Variants in MAGI1 observed in about 807,000 individuals in gnomAD.
The protein encoded by MAGI1 is membrane-associated guanylate kinase, WW and PDZ domain-containing protein 1.
In MAGI1, 58 loss-of-function variants were observed where a neutral mutation model predicts 139.9. The ratio of observed to expected loss-of-function variants is 0.41; its 90% CI spans 0.34 to 0.52. The LOEUF (loss-of-function observed/expected upper bound fraction) is 0.52, where lower values mean the gene tolerates loss of function less well. Among genes scored for constraint, MAGI1 ranks in the 20% least tolerant of loss-of-function variants. MAGI1 has a pLI of 0.12. For missense variants in MAGI1, 1,874 were observed against 1,901.6 expected, an observed-to-expected ratio of 0.99 and a Z score of 0.27; for synonymous variants, 812 against 737.9, an observed-to-expected ratio of 1.10 and a Z score of -1.63.
intron 1 of MAGI1, among the ~76,000 whole-genome samples, chr3:65,932,536 C>T (rs1054054390): frequency 1.3e-5 from 2 of 152,130 alleles, no homozygotes; most frequent in Non-Finnish European, 2.9e-5. Context: ...AAAAAAGCTC[C>T]GGGCAGCCCT....
intron 2 of MAGI1, among the ~76,000 whole-genome samples, chr3:65,566,120 G>T (rs531672540): frequency 6.6e-6 from 1 of 151,726 alleles, no homozygotes; most frequent in East Asian, 2.0e-4. Context: ...TGGGCATGGT[G>T]GCAGGCACCT....
chr3:65,960,152 T>C (rs192180073), intron 1 of MAGI1, among the ~76,000 whole-genome samples: 377 of 152,204 alleles, frequency 2.5e-3, no homozygotes, highest in African/African-American at 8.5e-3. Flanking sequence ...CAAGTATCTT[T>C]CTGTTCTTGT....
intron 18 of MAGI1, among the ~76,000 whole-genome samples, chr3:65,365,797 C>T (rs1186189638): frequency 3.3e-5 from 5 of 152,150 alleles, no homozygotes; most frequent in African/African-American, 4.8e-5. Flanking sequence ...TAGGCACTTT[C>T]GTGTTTACTG....
intron 1 of MAGI1, among the ~76,000 whole-genome samples, chr3:65,690,771 G>GCCTC (rs1559790310): frequency 6.6e-6 from 1 of 150,934 alleles, no homozygotes; most frequent in African/African-American, 2.4e-5. Context: ...TGGGATTACA[G>GCCTC]GCATGAGCCA....
chr3:65,897,625 A>C (rs1258770541), intron 1 of MAGI1, among the ~76,000 whole-genome samples: 1 of 152,100 alleles, frequency 6.6e-6, no homozygotes. Flanking sequence ...CATGTTGTGC[A>C]CATGTACCCT....
At chr3:65,714,804 AC>A (rs2032009845) in intron 1 of MAGI1, among the ~76,000 whole-genome samples, 2 of 151,544 alleles carry the variant, frequency 1.3e-5, no homozygotes, top group South Asian at 2.1e-4. Flanking sequence ...ACACACACAC[AC>A]CCCCCACAAC....
chr3:65,886,032 C>T (rs1023761800), intron 1 of MAGI1, among the ~76,000 whole-genome samples: 7 of 152,152 alleles, frequency 4.6e-5, no homozygotes, highest in African/African-American at 1.4e-4. Flanking sequence ...TATTATCTAA[C>T]TATGCAAACA....
At chr3:65,524,231 T>C (rs867996738) in intron 2 of MAGI1, among the ~76,000 whole-genome samples, 2 of 152,204 alleles carry the variant, frequency 1.3e-5, no homozygotes, top group Admixed American at 6.5e-5. Context: ...CAGGCAATAC[T>C]ACCCAGTGGA....
intron 1 of MAGI1, among the ~76,000 whole-genome samples, chr3:65,659,856 C>T (rs750209917): frequency 2.6e-5 from 4 of 152,128 alleles, no homozygotes; most frequent in Non-Finnish European, 5.9e-5. Context: ...CTGGGTTCTA[C>T]ATTTCTCAAC....
intron 12 of MAGI1, among the ~76,000 whole-genome samples, chr3:65,410,943 T>C (rs1448977501): frequency 6.6e-6 from 1 of 152,166 alleles, no homozygotes; most frequent in African/African-American, 2.4e-5. Context: ...AATAACAAAA[T>C]TTCTTTTTTA....
intron 2 of MAGI1, among the ~76,000 whole-genome samples, chr3:65,561,869 A>AC (rs1204667272): frequency 2.6e-5 from 4 of 151,810 alleles, no homozygotes; most frequent in Admixed American, 6.6e-5. Context: ...ATATACAGTA[A>AC]CCCCCCCAAT....
At chr3:65,836,839 A>G (rs556018417) in intron 1 of MAGI1, among the ~76,000 whole-genome samples, 5 of 152,208 alleles carry the variant, frequency 3.3e-5, no homozygotes, top group African/African-American at 1.2e-4. Context: ...AGAGAGAAAG[A>G]GCGAGCTGTG....
intron 1 of MAGI1, among the ~76,000 whole-genome samples, chr3:65,865,029 C>T (rs1425420657): frequency 1.3e-5 from 2 of 151,958 alleles, no homozygotes; most frequent in Non-Finnish European, 2.9e-5. Context: ...ATATAACACT[C>T]GGATAGACAC....
At chr3:65,668,235 T>C (rs531737664) in intron 1 of MAGI1, among the ~76,000 whole-genome samples, 1 of 152,264 alleles carries the variant, frequency 6.6e-6, no homozygotes, top group South Asian at 2.1e-4. Flanking sequence ...AATGAACGAA[T>C]ACACTTAATA....
At chr3:65,627,143 A>C (rs936511001) in intron 1 of MAGI1, among the ~76,000 whole-genome samples, 3 of 152,208 alleles carry the variant, frequency 2.0e-5, no homozygotes, top group Admixed American at 6.5e-5. Flanking sequence ...TTAGATACAC[A>C]AATACTTACC....
intron 22 of MAGI1, chr3:65,359,302 C>T: frequency 6.9e-7 from 1 of 1,452,072 alleles, no homozygotes; most frequent in Non-Finnish European, 9.0e-7. Context: ...TTTATTTGTC[C>T]AGTCAGACAG....
At chr3:65,581,067 T>C (rs2081396612) in intron 2 of MAGI1, among the ~76,000 whole-genome samples, 1 of 151,334 alleles carries the variant, frequency 6.6e-6, no homozygotes, top group African/African-American at 2.4e-5. Flanking sequence ...CCATCAAAAA[T>C]ATCTACACAC....
intron 1 of MAGI1, among the ~76,000 whole-genome samples, chr3:65,845,120 G>A (rs1377275361): frequency 2.6e-5 from 4 of 151,918 alleles, no homozygotes; most frequent in Admixed American, 1.3e-4. Context: ...GTGTGGTGGT[G>A]CACGCCTGTA....
At chr3:65,529,131 T>TTA (rs1553661180) in intron 2 of MAGI1, among the ~76,000 whole-genome samples, 67 of 46,004 alleles carry the variant, frequency 1.5e-3, no homozygotes, top group African/African-American at 2.9e-3. Flanking sequence ...TTTTTTAAAA[T>TTA]AAAAAAAAAA....
Sources: allele counts gnomAD v4.1 joint callset (sites outside exome capture counted in the v4.1 genomes callset), GRCh38; gene constraint gnomAD v4.1.1; transcripts MANE v1.5; gene names NCBI Gene and HGNC (gene_info 2026-07-23, HGNC 2026-07-21).